Variants in TMCO5A observed in about 807,000 individuals in gnomAD.
TMCO5A encodes transmembrane and coiled-coil domain-containing protein 5A.
A neutral mutation model predicts 42.3 loss-of-function variants in TMCO5A; 34 were observed. That is an observed-to-expected ratio of 0.80 (90% CI 0.61 to 1.07). The LOEUF (loss-of-function observed/expected upper bound fraction) is 1.07. Ranked by LOEUF, TMCO5A falls within the 50% of genes least tolerant of loss-of-function variation. TMCO5A has a pLI of 0.00. For missense variants in TMCO5A, 357 were observed against 327.9 expected, an observed-to-expected ratio of 1.09 and a Z score of -0.69; for synonymous variants, 131 against 115.6, an observed-to-expected ratio of 1.13 and a Z score of -0.86.
At chr15:37,963,388 A>C (rs1890480651) in intron 11 of TMCO5A, among the ~76,000 whole-genome samples, 1 of 152,040 alleles carries the variant, frequency 6.6e-6, no homozygotes. Context: ...GTTGATTTCC[A>C]GTTTTATTCC....
intron 11 of TMCO5A, among the ~76,000 whole-genome samples, chr15:37,961,553 A>AT (rs1341904476): frequency 6.1e-5 from 9 of 147,822 alleles, no homozygotes; most frequent in African/African-American, 1.0e-4. Context: ...TCAATTTTAG[A>AT]TTTTTTTTCT....
chr15:38,001,466 CTCTATG>C, the TMCO5A span, among the ~76,000 whole-genome samples: 1 of 148,764 alleles, frequency 6.7e-6, no homozygotes, highest in Non-Finnish European at 1.5e-5. Flanking sequence ...GAATTAGCCA[CTCTATG>C]TCTTTTGGTT....
In TMCO5A at chr15:37,958,612, G is replaced by C. The variant is rs548813081; in HGVS notation, c.669-8013G>C. ...TAGAATGGCGATCATTAAAAAGTCA[G>C]GAAACAACAGATGCTGGGGAGAATG... On this transcript the variant is annotated intron_variant, in intron 11 of 11. Transcript: ENST00000559502. Among the ~76,000 whole-genome samples the C allele has an allele frequency of 5.9e-5, 9 of 152,154 alleles. No homozygotes were observed. The South Asian group carries it at 1.7e-3, about 28-fold the overall frequency.
intron 6 of TMCO5A, 115 bp downstream of exon 6, chr15:37,938,344 C>A: frequency 1.3e-6 from 1 of 799,994 alleles, no homozygotes; most frequent in Non-Finnish European, 1.9e-6. Flanking sequence ...TCCTCCATGT[C>A]AAGCTTAAGC....
At chr15:38,005,224 T>G in the TMCO5A span, among the ~76,000 whole-genome samples, 2 of 127,420 alleles carry the variant, frequency 1.6e-5, no homozygotes, top group African/African-American at 3.0e-5. Context: ...TTTGGGGAGG[T>G]GCCAAAAGAC....
chr15:38,008,176 T>A, the TMCO5A span, among the ~76,000 whole-genome samples: 1 of 151,586 alleles, frequency 6.6e-6, no homozygotes, highest in Non-Finnish European at 1.5e-5. Context: ...ATTACAGGCG[T>A]GAGCCACCGT....
At chr15:37,976,793 C>CTTT in the TMCO5A span, among the ~76,000 whole-genome samples, 17 of 116,842 alleles carry the variant, frequency 1.5e-4, no homozygotes, top group Non-Finnish European at 2.4e-4. Context: ...TTTCTTCTTT[C>CTTT]TTTTTTTTTT....
the TMCO5A span, among the ~76,000 whole-genome samples, chr15:38,010,383 C>CAAAAA: frequency 9.8e-3 from 394 of 40,300 alleles, 35 homozygotes; most frequent in East Asian, 0.046. Context: ...ACTCCGTCTC[C>CAAAAA]AAAAAAAAAA....
At chr15:37,979,382 A>G in the TMCO5A span, among the ~76,000 whole-genome samples, 1 of 152,198 alleles carries the variant, frequency 6.6e-6, no homozygotes, top group South Asian at 2.1e-4. Flanking sequence ...AGGGCTGCCA[A>G]TGCCACATGA....
chr15:38,003,884 T>TCAG, the TMCO5A span, among the ~76,000 whole-genome samples: 1 of 152,112 alleles, frequency 6.6e-6, no homozygotes, highest in Non-Finnish European at 1.5e-5. Context: ...CACTTGGTGC[T>TCAG]CTACACCGCT....
the TMCO5A span, among the ~76,000 whole-genome samples, chr15:38,006,265 A>G: frequency 6.6e-6 from 1 of 152,200 alleles, no homozygotes; most frequent in Non-Finnish European, 1.5e-5. Flanking sequence ...ACAGCTTAGT[A>G]CTGGCTAGTT....
the TMCO5A span, among the ~76,000 whole-genome samples, chr15:38,000,939 A>G: frequency 6.6e-6 from 1 of 152,124 alleles, no homozygotes; most frequent in African/African-American, 2.4e-5. Flanking sequence ...CCTTGAAAAT[A>G]ATCCATATGC....
downstream of TMCO5A, among the ~76,000 whole-genome samples, chr15:37,968,582 CTT>C (rs61091144): frequency 3.3e-4 from 43 of 131,056 alleles, no homozygotes; most frequent in Admixed American, 3.1e-4. Context: ...TTCTACATTT[CTT>C]TTTTTTTTTT....
the TMCO5A span, among the ~76,000 whole-genome samples, chr15:38,033,863 C>G: frequency 0.018 from 2,726 of 152,306 alleles, 65 homozygotes; most frequent in African/African-American, 0.061. Flanking sequence ...ATCCACCCTC[C>G]TCAGCCTTCC....
chr15:38,034,255 A>G, the TMCO5A span, among the ~76,000 whole-genome samples: 1 of 152,178 alleles, frequency 6.6e-6, no homozygotes, highest in Admixed American at 6.5e-5. Context: ...CCCACCTCTT[A>G]ATATCACATT....
downstream of TMCO5A, among the ~76,000 whole-genome samples, chr15:37,954,598 G>T (rs1890238102): frequency 6.6e-6 from 1 of 151,992 alleles, no homozygotes; most frequent in Admixed American, 6.6e-5. Context: ...TGAGCAATAA[G>T]AAATTATCTG....
downstream of TMCO5A, among the ~76,000 whole-genome samples, chr15:37,954,710 T>C (rs966543245): frequency 6.6e-6 from 1 of 151,952 alleles, no homozygotes; most frequent in Non-Finnish European, 1.5e-5. Context: ...AACTAAACAA[T>C]GAACCAATCA....
chr15:37,957,932 T>C (rs1890331180), intron 11 of TMCO5A, among the ~76,000 whole-genome samples: 1 of 151,802 alleles, frequency 6.6e-6, no homozygotes, highest in South Asian at 2.1e-4. Flanking sequence ...TCAGAAATAA[T>C]GCCACACATC....
the TMCO5A span, among the ~76,000 whole-genome samples, chr15:37,984,573 T>A: frequency 3.3e-5 from 5 of 152,142 alleles, no homozygotes; most frequent in Non-Finnish European, 7.3e-5. Context: ...GCATGTGTAC[T>A]TTCAAACTTC....
Sources: allele counts gnomAD v4.1 joint callset (sites outside exome capture counted in the v4.1 genomes callset), GRCh38; gene constraint gnomAD v4.1.1; transcripts MANE v1.5; gene names NCBI Gene and HGNC (gene_info 2026-07-23, HGNC 2026-07-21).